AVIL: variants seen among roughly 807,000 people sequenced by gnomAD.
The protein encoded by AVIL is advillin.
Under a neutral mutation model 109.9 loss-of-function variants are expected in AVIL, and 78 were observed. The ratio of observed to expected loss-of-function variants is 0.71; its 90% CI spans 0.59 to 0.86. AVIL has a LOEUF of 0.86. Among genes scored for constraint, AVIL ranks in the 40% least tolerant of loss-of-function variants. The pLI, the probability that AVIL is intolerant of heterozygous loss-of-function variation, is 0.00. For synonymous variants in AVIL, 367 were observed against 379.1 expected (o/e 0.97, Z 0.37); for missense variants, 892 against 1,016.5 (o/e 0.88, Z 1.67).
chr12:57,807,873 C>T (rs775940712), intron 11 of AVIL, 146 bp from the exon 12 acceptor site: 2 of 1,165,360 alleles, frequency 1.7e-6, no homozygotes, highest in Admixed American at 1.9e-5. Context: ...GTGCTGAGGA[C>T]TCATCACATT....
At chr12:57,806,120 C>G (rs1432683442) in intron 14 of AVIL, 31 of 444,532 alleles carry the variant, frequency 7.0e-5, no homozygotes, top group Non-Finnish European at 1.1e-4. Context: ...CAGGGATGAG[C>G]CACCGTGCCC....
intron 7 of AVIL, among the ~76,000 whole-genome samples, chr12:57,810,094 C>T (rs185510381): frequency 6.6e-6 from 1 of 152,260 alleles, no homozygotes; most frequent in East Asian, 1.9e-4. Context: ...CAAACATTAT[C>T]CCTTCCACAT....
intron 1 of AVIL, 60 bp from the exon 2 acceptor site, chr12:57,816,119 A>G (rs1956098775): frequency 4.2e-6 from 6 of 1,428,598 alleles, no homozygotes; most frequent in African/African-American, 1.4e-5. Context: ...GCATCAATCC[A>G]GTTTTTCTGC....
rs1285690501 is a variant in AVIL at position 57,808,212 on chromosome 12, A to G, written c.1176T>C (p.Asp392=). ...EVAAQERMVD[D]GNGKVEVWRI... ...GGCTTACCTCAACTTTTCCGTTGCC[A>G]TCATCGACCATTCTTTCCTGGGCAG... Residue 392 remains aspartate (D), a synonymous_variant, in exon 11 of 20, where the codon GAT becomes GAC. Coordinates refer to ENST00000549994, the MANE Select transcript of AVIL (RefSeq NM_006576.4). The G allele has an allele frequency of 1.2e-6, 2 of 1,614,094 alleles. No homozygotes were observed. The highest frequency in any genetic ancestry group is 1.7e-6 in the Non-Finnish European group (2 of 1,180,044).
chr12:57,810,074 A>G (rs1028748971), intron 7 of AVIL, among the ~76,000 whole-genome samples, 184 bp from the exon 8 acceptor site: 1 of 152,092 alleles, frequency 6.6e-6, no homozygotes, highest in Non-Finnish European at 1.5e-5. Context: ...ACTTTTGTTC[A>G]TCTCTCTCCC....
chr12:57,803,860 C>T lies in AVIL; in HGVS notation c.1672-191G>A, dbSNP rs948317247. ...GAGGAAAACAGTGTGGGGCAAAGAA[C>T]AGGACTAGGCTTTGAAACCCACAGT... is the stretch of plus-strand genomic sequence containing the variant. On this transcript the variant is annotated intron_variant, in intron 14 of 19. Coordinates refer to ENST00000549994, the MANE Select transcript of AVIL (RefSeq NM_006576.4). 9 of 671,048 alleles carry T rather than the reference C, an allele frequency of 1.3e-5. No homozygotes were observed. The South Asian group carries it at 2.2e-4, about 17-fold the overall frequency. The allele number at this position is 671,048 out of a possible 1,614,324, so 41.6% of individuals were successfully genotyped here. A position where few individuals can be genotyped will look rare whatever the true frequency, so the allele number is the denominator to read the frequency against.
intron 1 of AVIL, 27 bp from the exon 2 acceptor site, chr12:57,816,086 G>A (rs774632511): frequency 3.2e-6 from 5 of 1,563,010 alleles, no homozygotes; most frequent in East Asian, 4.5e-5. Context: ...CAAGAGGGGA[G>A]ATGATATCTC....
At chr12:57,807,767 T>G in intron 11 of AVIL, 40 bp from the exon 12 acceptor site, 2 of 1,613,352 alleles carry the variant, frequency 1.2e-6, no homozygotes, top group East Asian at 4.5e-5. Context: ...GAGATGGGGG[T>G]GCTGAGAGGG....
In AVIL at chr12:57,807,723, C is replaced by T. The variant is rs1456618850; in HGVS notation, c.1199G>A (p.Trp400Ter). 1 of 1,613,806 alleles carries T rather than the reference C, an allele frequency of 6.2e-7. No homozygotes were observed. Among genetic ancestry groups the T allele is most frequent in the Non-Finnish European group, 8.5e-7 (1 of 1,180,044 alleles). The change falls in exon 12 of 20, where the codon TGG (tryptophan) becomes TAG (stop). Residue 400 changes from tryptophan to a stop codon, truncating the protein, a stop_gained. Coordinates refer to ENST00000549994, the MANE Select transcript of AVIL (RefSeq NM_006576.4). LOFTEE classifies it high-confidence loss of function. ...VDDGNGKVEV[W>*]RIENLELVPV... is the part of the protein sequence containing the mutation. ...GACCAGCTCCAGGTTCTCAATTCTC[C>T]AGACCTGGGCATAGAAGGAGACACC...
chr12:57,801,178 A>G lies in AVIL; in HGVS notation c.2186T>C (p.Leu729Pro), dbSNP rs1273508289. Residue 729 changes from leucine to proline, a missense_variant, in exon 18 of 20, where the codon CTG becomes CCG. Transcript: ENST00000549994. Reference protein sequence around the residue: ...GKTYEQLKEELGDAAAIMRIT... With the variant: ...GKTYEQLKEEPGDAAAIMRIT... ...TCGCATGATAGCAGCAGCATCTCCC[A>G]GCTCTTCTTTTAATTGTTCATATGT... The G allele has an allele frequency of 2.5e-6, 4 of 1,613,646 alleles. No homozygotes were observed. The highest frequency in any genetic ancestry group is 1.3e-5 in the African/African-American group (1 of 74,922).
chr12:57,807,794 G>A, intron 11 of AVIL, 67 bp from the exon 12 acceptor site: 2 of 1,601,354 alleles, frequency 1.2e-6, no homozygotes. Context: ...CCACACTAAA[G>A]AGAGAATCCA....
chr12:57,806,584 G>C (rs769802237), intron 13 of AVIL, 45 bp from the exon 14 acceptor site: 1 of 1,596,344 alleles, frequency 6.3e-7, no homozygotes, highest in Non-Finnish European at 8.6e-7. Flanking sequence ...AGCACCATGT[G>C]AGCAGAGTGC....
chr12:57,798,046 C>T, intron 19 of AVIL, 51 bp from the exon 20 acceptor site: 2 of 1,401,422 alleles, frequency 1.4e-6, no homozygotes, highest in Admixed American at 2.1e-5. Flanking sequence ...GACATCATTG[C>T]CAACAGAAGT....
rs777737597 is a variant in AVIL at position 57,803,230 on chromosome 12, C to T, written c.1962+17G>A. On this transcript the variant is annotated intron_variant, in intron 16 of 19. Transcript: ENST00000549994. ...GGGAGTCTTTCTCATGTTCTGACTT[C>T]TGCAGCTGTGTCTTACCTGGTCCCA... The T allele has an allele frequency of 6.2e-7, 1 of 1,613,908 alleles. No homozygotes were observed. Among genetic ancestry groups the T allele is most frequent in the African/African-American group, 1.3e-5 (1 of 75,042 alleles).
At position 57,810,663 on chromosome 12, in the gene AVIL, A is replaced by G. The variant is rs1565836567; in HGVS notation, c.559-112T>C. On this transcript the variant is annotated intron_variant, in intron 6 of 19. Coordinates refer to ENST00000549994, the MANE Select transcript of AVIL (RefSeq NM_006576.4). The stretch of plus-strand genomic sequence containing the variant: ...CACAGGAGTTACTTGGATGCTGAGG[A>G]GTCCAGGGTGAGTCACAAACTCACA... 2.9e-6 allele frequency: 4 copies of G among 1,393,002 alleles called. No homozygotes were observed. In the East Asian group the frequency reaches 9.2e-5, roughly 32 times the overall value. The allele number at this position is 1,393,002 out of a possible 1,614,324, so 86.3% of individuals were successfully genotyped here.
intron 13 of AVIL, 82 bp downstream of exon 13, chr12:57,807,249 C>T: frequency 1.3e-6 from 2 of 1,593,478 alleles, no homozygotes; most frequent in South Asian, 2.3e-5. Context: ...CCCACCCCTC[C>T]TCTGCTCTCC....
intron 7 of AVIL, 42 bp downstream of exon 7, chr12:57,810,307 C>T (rs370467722): frequency 6.2e-7 from 1 of 1,608,494 alleles, no homozygotes; most frequent in African/African-American, 1.3e-5. Context: ...ACACCTTCCC[C>T]CCAACCCCAG....
Position 57,802,143 on chromosome 12 carries a change from C to G in AVIL, c.2151+17G>C, listed in dbSNP as rs1272842558. The G allele has an allele frequency of 6.2e-7, 1 of 1,613,014 alleles. No homozygotes were observed. The highest frequency in any genetic ancestry group is 1.7e-5 in the Admixed American group (1 of 60,004). On this transcript the variant is annotated intron_variant, in intron 17 of 19. Transcript: ENST00000549994. ...TACCTGGCAGGAAGTTAGAGCTTCC[C>G]TACTCTCTTTTCTTACACTCCAAAT... is the stretch of plus-strand genomic sequence containing the variant.
At chr12:57,811,734 T>A (rs965914615) in intron 4 of AVIL, among the ~76,000 whole-genome samples, 2 of 152,268 alleles carry the variant, frequency 1.3e-5, no homozygotes, top group Non-Finnish European at 2.9e-5. Flanking sequence ...TGGAGACTGC[T>A]GACCTGCAAG....
Sources: allele counts gnomAD v4.1 joint callset (sites outside exome capture counted in the v4.1 genomes callset), GRCh38; gene constraint gnomAD v4.1.1; transcripts MANE v1.5; gene names NCBI Gene and HGNC (gene_info 2026-07-23, HGNC 2026-07-21).